NUP214: variants seen among roughly 807,000 people sequenced by gnomAD.
The protein encoded by NUP214 is nucleoporin 214.
A neutral mutation model predicts 196.2 loss-of-function variants in NUP214; 79 were observed. The observed-to-expected ratio is 0.40, with a 90% CI of 0.34 to 0.49. The LOEUF is 0.49. Ranked by LOEUF, NUP214 falls within the 20% of genes least tolerant of loss-of-function variation. NUP214 has a pLI of 0.58. For synonymous variants in NUP214, 1,020 were observed against 990.5 expected, an observed-to-expected ratio of 1.03 and a Z score of -0.56; for missense variants, 2,468 against 2,539.0, an observed-to-expected ratio of 0.97 and a Z score of 0.60.
Position 131,193,629 on chromosome 9 carries a change from C to CTTTTTTTTTTTTTTTTTTTTTT in NUP214, c.3659+1349_3659+1370dup, listed in dbSNP as rs71389402. Among the ~76,000 whole-genome samples the CTTTTTTTTTTTTTTTTTTTTTT allele has an allele frequency of 7.2e-3, 202 of 28,226 alleles. 82 individuals are homozygous for CTTTTTTTTTTTTTTTTTTTTTT. The highest frequency in any genetic ancestry group is 9.3e-3 in the Non-Finnish European group (143 of 15,436). 18.5% of individuals were successfully genotyped at this position (28,226 alleles called of 152,430 possible). On this transcript the variant is annotated intron_variant, in intron 27 of 35. Coordinates refer to ENST00000359428, the MANE Select transcript of NUP214 (RefSeq NM_005085.4). ...GTGAAATGATATTCTTCTTCCTTTT[C>CTTTTTTTTTTTTTTTTTTTTTT]TTTTTTTTTTTTTTTTTTTTTTTTT...
At chr9:131,133,069 C>A in intron 6 of NUP214, 37 bp from the exon 7 acceptor site, 3 of 1,487,926 alleles carry the variant, frequency 2.0e-6, no homozygotes, top group Non-Finnish European at 2.8e-6. Flanking sequence ...TGGTTGCTGT[C>A]ATTTTTATGA....
At chr9:131,159,873 A>G (rs546924804) in intron 18 of NUP214, among the ~76,000 whole-genome samples, 1 of 151,840 alleles carries the variant, frequency 6.6e-6, no homozygotes, top group Non-Finnish European at 1.5e-5. Context: ...AAAAAAAAAC[A>G]AGAAAGAGAA....
Position 131,198,901 on chromosome 9 carries a change from G to C in NUP214, c.5407G>C (p.Ala1803Pro), listed in dbSNP as rs139339892. 1.1e-5 allele frequency: 18 copies of C among 1,614,050 alleles called. No individual in the cohort carries two copies. In the African/African-American group the frequency reaches 2.3e-4, roughly 20 times the overall value. ...AGGGGGGCTGTTTGGCCAAAGCAAC[G>C]CTCCTGCTTTTGGGCAGAGTCCTGG... is the stretch of plus-strand genomic sequence containing the variant. ...TGGGLFGQSN[A>P]PAFGQSPGFG... The change falls in exon 29 of 36, where the codon GCT becomes CCT. Residue 1803 changes from alanine (A) to proline (P), a missense_variant. Transcript: ENST00000359428.
intron 21 of NUP214, among the ~76,000 whole-genome samples, chr9:131,171,679 A>G (rs1832962071): frequency 1.3e-5 from 2 of 151,184 alleles, no homozygotes; most frequent in Admixed American, 1.3e-4. Context: ...CCTTAGGTAT[A>G]TCTCCTAATG....
At chr9:131,129,504 A>G in intron 4 of NUP214, 27 bp downstream of exon 4, 1 of 1,594,942 alleles carries the variant, frequency 6.3e-7, no homozygotes, top group South Asian at 1.1e-5. Context: ...TTCACACTGT[A>G]GCATACAATC....
chr9:131,146,653 G>A lies in NUP214; in HGVS notation c.1945+349G>A, dbSNP rs532901848. On this transcript the variant is annotated intron_variant, in intron 13 of 35. Transcript: ENST00000359428. The surrounding 1 kb of genome is among the most constrained non-coding windows in gnomAD (Gnocchi z 4.6). ...CACAGGCACAAGAGTTGTTTGGCGG[G>A]GTGCGGTGGCTCACGCCTATAAACC... 3.3e-5 allele frequency among the ~76,000 whole-genome samples: 5 copies of A among 152,292 alleles called. No individual in the cohort carries two copies. The highest frequency in any genetic ancestry group is 5.9e-5 in the Non-Finnish European group (4 of 68,036).
chr9:131,162,235 T>C (rs773429941), intron 18 of NUP214, among the ~76,000 whole-genome samples: 12 of 152,240 alleles, frequency 7.9e-5, no homozygotes, highest in Non-Finnish European at 1.6e-4. Flanking sequence ...CAGTCCATCA[T>C]TGACCAAAAT....
chr9:131,194,929 G>T (rs1833732540), intron 27 of NUP214, among the ~76,000 whole-genome samples: 1 of 152,142 alleles, frequency 6.6e-6, no homozygotes, highest in South Asian at 2.1e-4. Flanking sequence ...CTCTACTGCT[G>T]CAGCTTTGCT....
intron 30 of NUP214, among the ~76,000 whole-genome samples, chr9:131,208,276 CA>C (rs1202353363): frequency 6.6e-6 from 1 of 152,198 alleles, no homozygotes; most frequent in Non-Finnish European, 1.5e-5. Flanking sequence ...ACTTGTACAT[CA>C]ATGTTCATTG....
chr9:131,213,765 G>GTTA (rs1834315112), intron 30 of NUP214, among the ~76,000 whole-genome samples: 3 of 126,296 alleles, frequency 2.4e-5, no homozygotes, highest in African/African-American at 9.0e-5. Context: ...TGTTGTTGTT[G>GTTA]TTGTTGTTGT....
Position 131,147,506 on chromosome 9 carries a change from C to A in NUP214, c.1962C>A (p.Gly654=), listed in dbSNP as rs747058799. 2.5e-6 allele frequency: 4 copies of A among 1,613,732 alleles called. No homozygotes were observed. The highest frequency in any genetic ancestry group is 1.7e-4 in the Middle Eastern group (1 of 6,060). ...TTCAAGCAGGACGATCTGCTCAGGG[C>A]AGTTCAAGCCCAGTGCCCTCAATGG... ...LPSPSGRSAQ[G]SSSPVPSMVQ... Residue 654 remains glycine, a synonymous_variant, in exon 14 of 36, where the codon GGC becomes GGA. Coordinates refer to ENST00000359428, the MANE Select transcript of NUP214 (RefSeq NM_005085.4).
At chr9:131,214,332 T>G (rs1175319884) in intron 30 of NUP214, among the ~76,000 whole-genome samples, 2 of 152,226 alleles carry the variant, frequency 1.3e-5, no homozygotes, top group Non-Finnish European at 2.9e-5. Context: ...TGTTCTAAAG[T>G]GTGTTACATT....
chr9:131,197,635 G>C lies in NUP214; in HGVS notation c.4141G>C (p.Gly1381Arg). 6.2e-7 allele frequency: 1 copy of C among 1,614,122 alleles called. No individual in the cohort carries two copies. Among genetic ancestry groups the C allele is most frequent in the Non-Finnish European group, 8.5e-7 (1 of 1,180,016 alleles). Reference sequence around the variant, plus strand: ...TAATTTTACTGCCCCCCCGGTGTTAGGGAAGCACACGGAGCCCCCTGTGAC... The same window carrying C: ...TAATTTTACTGCCCCCCCGGTGTTACGGAAGCACACGGAGCCCCCTGTGAC... Reference protein sequence around the residue: ...GFNFTAPPVLGKHTEPPVTSS... With the variant: ...GFNFTAPPVLRKHTEPPVTSS... The change falls in exon 29 of 36, where the codon GGG (glycine) becomes CGG (arginine). Residue 1381 changes from glycine (G) to arginine (R), a missense_variant. Physicochemically the swap from Gly to Arg is moderately radical, Grantham distance 125. Coordinates refer to ENST00000359428, the MANE Select transcript of NUP214 (RefSeq NM_005085.4).
rs572826641 is a variant in NUP214 at position 131,201,976 on chromosome 9, T to C, written c.5592+259T>C. 5.9e-5 allele frequency among the ~76,000 whole-genome samples: 9 copies of C among 152,328 alleles called. No homozygotes were observed. The South Asian group carries it at 1.9e-3, about 32-fold the overall frequency. ...AAAGCACATTGCCTGATTCCTTTTT[T>C]CTTTAGACACAGGATCTTGCTGTGT... is the stretch of plus-strand genomic sequence containing the variant. On this transcript the variant is annotated intron_variant, in intron 30 of 35. Coordinates refer to ENST00000359428, the MANE Select transcript of NUP214 (RefSeq NM_005085.4).
At position 131,174,253 on chromosome 9, in the gene NUP214, A is replaced by G; in HGVS notation, c.3092A>G (p.His1031Arg). The G allele has an allele frequency of 1.2e-6, 2 of 1,613,836 alleles. No individual in the cohort carries two copies. Among genetic ancestry groups the G allele is most frequent in the Non-Finnish European group, 1.7e-6 (2 of 1,179,914 alleles). ...TCCATCCAGCCCAGTCTCTTGCCCC[A>G]TGCAGCACCTTTTGCTAAATCTCAC... ...TPSIQPSLLP[H>R]AAPFAKSHLV... Residue 1031 changes from histidine to arginine, a missense_variant, in exon 22 of 36, where the codon CAT becomes CGT. By Grantham distance (29) the His-to-Arg change is conservative. This residue lies in a region of NUP214 where 1,801 missense variants were observed against 1,779.4 expected (regional missense o/e 1.01). Coordinates refer to ENST00000359428, the MANE Select transcript of NUP214 (RefSeq NM_005085.4).
intron 9 of NUP214, chr9:131,136,916 G>C (rs1831746415): frequency 6.6e-6 from 1 of 152,242 alleles, no homozygotes; most frequent in African/African-American, 2.4e-5. Flanking sequence ...TAAGAAGCAA[G>C]TGCTTCTCCT....
chr9:131,198,450 T>A lies in NUP214; in HGVS notation c.4956T>A (p.Ser1652Arg). ...TCTTTGCTCAGCCTCCTGCTGCCAG[T>A]TCTAGCTCAGCTTTCAACCAGCTCA... ...SSVFAQPPAA[S>R]SSSAFNQLTN... The change falls in exon 29 of 36, where the codon AGT becomes AGA. Residue 1652 changes from serine to arginine, a missense_variant. Physicochemically the swap from Ser to Arg is moderately radical, Grantham distance 110 (BLOSUM62 -1). Coordinates refer to ENST00000359428, the MANE Select transcript of NUP214 (RefSeq NM_005085.4). The A allele has an allele frequency of 6.2e-7, 1 of 1,614,238 alleles. No individual in the cohort carries two copies.
chr9:131,192,149 TTCTG>T (rs1342877208), intron 26 of NUP214, 55 bp from the exon 27 acceptor site: 15 of 1,134,232 alleles, frequency 1.3e-5, no homozygotes, highest in Admixed American at 9.2e-5. Context: ...GGAACAGTGT[TTCTG>T]TCTTTTTGTA....
chr9:131,132,390 A>T (rs1056247585), intron 5 of NUP214, among the ~76,000 whole-genome samples: 1 of 152,122 alleles, frequency 6.6e-6, no homozygotes, highest in Admixed American at 6.6e-5. Flanking sequence ...TTGAGATTAC[A>T]GGCATGAGTC....
Sources: gnomAD v4.1 joint callset for allele counts (sites outside exome capture counted in the v4.1 genomes callset) on GRCh38, gnomAD v4.1.1 for gene constraint, gnomAD v4.1.1 regional missense constraint, Gnocchi (gnomAD v3.1) non-coding constraint, MANE v1.5 for transcripts, NCBI Gene and HGNC (gene_info 2026-07-23, HGNC 2026-07-21) for gene names.